SDR42E2: variants seen among roughly 807,000 people sequenced by gnomAD.
SDR42E2 encodes the protein putative short-chain dehydrogenase/reductase family 42E member 2.
SDR42E2 carries 20 observed loss-of-function variants against 10.5 expected under a neutral mutation model. The ratio of observed to expected loss-of-function variants is 1.90; its 90% CI spans 1.34 to 2.77. The LOEUF (loss-of-function observed/expected upper bound fraction) is 2.77, where lower values mean the gene tolerates loss of function less well. SDR42E2 is among the 30% of genes most tolerant of loss of function. The probability of loss-of-function intolerance (pLI) is 0.00; values close to 1 mark genes in which losing one functional copy is unlikely to be tolerated. For missense variants in SDR42E2, 162 were observed against 104.2 expected, an observed-to-expected ratio of 1.55 and a Z score of -2.42; for synonymous variants, 72 against 39.2, an observed-to-expected ratio of 1.84 and a Z score of -3.12.
In SDR42E2 at chr16:22,184,213, C is replaced by A; in HGVS notation, c.909C>A (p.Ile303=). 1 of 401,456 alleles carries A rather than the reference C, an allele frequency of 2.5e-6. No individual in the cohort carries two copies. Among genetic ancestry groups the A allele is most frequent in the Non-Finnish European group, 4.4e-6 (1 of 226,354 alleles). The allele number at this position is 401,456 out of a possible 1,614,324, so 24.9% of individuals were successfully genotyped here. The change falls in exon 11 of 13, where the codon ATC becomes ATA. Residue 303 remains isoleucine, a synonymous_variant. Coordinates refer to ENST00000602312, the MANE Select transcript of SDR42E2 (RefSeq NM_001394319.2). ...FEKLGYSQPW[I]QVPTSWVYLT... is the part of the protein sequence containing the mutation. Reference sequence around the variant, plus strand: ...AGCTGGGGTACAGCCAGCCCTGGATCCAGGTGCCTACTTCCTGGGTTTACC... The same window carrying A: ...AGCTGGGGTACAGCCAGCCCTGGATACAGGTGCCTACTTCCTGGGTTTACC...
chr16:22,178,863 A>G (rs2046668294), intron 8 of SDR42E2, among the ~76,000 whole-genome samples: 1 of 152,240 alleles, frequency 6.6e-6, no homozygotes, highest in Non-Finnish European at 1.5e-5. Context: ...GAGAAAGGTC[A>G]TGATTGTTTT....
At chr16:22,186,861 C>T in intron 12 of SDR42E2, 67 bp downstream of exon 12, 1 of 398,884 alleles carries the variant, frequency 2.5e-6, no homozygotes, top group South Asian at 1.3e-4. Context: ...CTCTCCCCAC[C>T]ATCCCCACTG....
chr16:22,171,550 C>A (rs1391790915), intron 6 of SDR42E2, among the ~76,000 whole-genome samples: 1 of 151,080 alleles, frequency 6.6e-6, no homozygotes, highest in Non-Finnish European at 1.5e-5. Flanking sequence ...TGTTTTGAGA[C>A]AAGGTCTTGC....
intron 12 of SDR42E2, among the ~76,000 whole-genome samples, 190 bp from the exon 13 acceptor site, chr16:22,189,949 T>G (rs931579937): frequency 6.6e-6 from 1 of 152,050 alleles, no homozygotes; most frequent in African/African-American, 2.4e-5. Flanking sequence ...AAAATGAACA[T>G]GTAAGGAAGA....
intron 12 of SDR42E2, among the ~76,000 whole-genome samples, chr16:22,189,242 T>G (rs2142085077): frequency 6.6e-6 from 1 of 152,212 alleles, no homozygotes; most frequent in East Asian, 1.9e-4. Context: ...CATGGGAGAA[T>G]CCAGCAGCTG....
chr16:22,187,612 A>G (rs1256305205), intron 12 of SDR42E2, among the ~76,000 whole-genome samples: 1 of 151,858 alleles, frequency 6.6e-6, no homozygotes, highest in Admixed American at 6.6e-5. Flanking sequence ...CAAAAAAAAA[A>G]AAAAAGATTC....
intron 7 of SDR42E2, among the ~76,000 whole-genome samples, chr16:22,173,783 A>T (rs192265425): frequency 2.2e-4 from 33 of 151,622 alleles, no homozygotes; most frequent in Admixed American, 6.6e-4. Flanking sequence ...GCACTTTGGG[A>T]GGCGGAGGTG....
intron 1 of SDR42E2, among the ~76,000 whole-genome samples, chr16:22,162,997 A>G (rs1412540753): frequency 1.3e-5 from 2 of 152,100 alleles, no homozygotes; most frequent in Non-Finnish European, 2.9e-5. Flanking sequence ...GCTTTGCGCC[A>G]GGCACTGTTC....
intron 4 of SDR42E2, 61 bp downstream of exon 4, chr16:22,167,060 C>T (rs2046547860): frequency 2.9e-6 from 2 of 682,988 alleles, no homozygotes; most frequent in Non-Finnish European, 2.7e-6. Flanking sequence ...CCTGGCTCTG[C>T]CCTCACACCC....
At chr16:22,175,019 G>A (rs1028317685) in intron 7 of SDR42E2, among the ~76,000 whole-genome samples, 3 of 152,112 alleles carry the variant, frequency 2.0e-5, no homozygotes, top group African/African-American at 4.8e-5. Context: ...CGGCGCAGAG[G>A]TCCGTAGTCC....
At chr16:22,169,345 A>T (rs1233087532) in intron 4 of SDR42E2, 100 bp from the exon 5 acceptor site, 1 of 693,108 alleles carries the variant, frequency 1.4e-6, no homozygotes, top group African/African-American at 1.7e-5. Flanking sequence ...TGAACTGAAC[A>T]TCCTGCTGCC....
chr16:22,164,964 C>A (rs902576729), intron 1 of SDR42E2, among the ~76,000 whole-genome samples: 1 of 152,188 alleles, frequency 6.6e-6, no homozygotes, highest in Admixed American at 6.5e-5. Flanking sequence ...TGCTTAATGT[C>A]AACCTCAGTT....
chr16:22,174,405 C>G (rs955775553), intron 7 of SDR42E2, among the ~76,000 whole-genome samples: 2 of 152,046 alleles, frequency 1.3e-5, no homozygotes, highest in African/African-American at 4.8e-5. Context: ...TCAAGATCAT[C>G]CAGCTGTTAG....
chr16:22,190,139 G>A lies in SDR42E2; in HGVS notation c.1015G>A (p.Val339Met). 2.5e-6 allele frequency: 1 copy of A among 401,082 alleles called. No homozygotes were observed. 24.8% of individuals were successfully genotyped at this position (401,082 alleles called of 1,614,324 possible). A position where few individuals can be genotyped will look rare whatever the true frequency, so the allele number is the denominator to read the frequency against. ...SLPPLLTRSE[V>M]RSVAVTHTFQ... ...TCGGATGCCCCGCCTGTCCCCGCAG[G>A]TGCGCAGCGTGGCCGTGACGCACAC... The change falls in exon 13 of 13, where the codon GTG (valine) becomes ATG (methionine). Residue 339 changes from valine to methionine, a missense_variant and splice_region_variant. Transcript: ENST00000602312.
chr16:22,178,769 G>A (rs1598140245), intron 8 of SDR42E2, among the ~76,000 whole-genome samples: 1 of 152,208 alleles, frequency 6.6e-6, no homozygotes, highest in Admixed American at 6.5e-5. Context: ...TTTGAAAAAA[G>A]AAAAAGGAAT....
rs566872581 is a variant in SDR42E2 at position 22,191,296 on chromosome 16, C to G, written c.*903C>G. 2 of 152,490 alleles carry G rather than the reference C, an allele frequency of 1.3e-5. No homozygotes were observed. The highest frequency in any genetic ancestry group is 1.5e-5 in the Non-Finnish European group (1 of 68,220). The allele number at this position is 152,490 out of a possible 1,614,324, so 9.4% of individuals were successfully genotyped here. A position where few individuals can be genotyped will look rare whatever the true frequency, so the allele number is the denominator to read the frequency against. ...TTTGGGTCTGTCCTTGCTCCTGCCTCTGGACCCGGTCCCGCCCTTCTCGCG... is the reference window on the plus strand; with the variant it reads ...TTTGGGTCTGTCCTTGCTCCTGCCTGTGGACCCGGTCCCGCCCTTCTCGCG... On this transcript the variant is annotated 3_prime_UTR_variant, in exon 13 of 13. Transcript: ENST00000602312.
In SDR42E2 at chr16:22,172,210, A is replaced by G. The variant is rs1206454380; in HGVS notation, c.514-46A>G. 1.0e-5 allele frequency: 7 copies of G among 702,838 alleles called. No homozygotes were observed. The East Asian group carries it at 1.9e-4, about 19-fold the overall frequency. 43.5% of individuals were successfully genotyped at this position (702,838 alleles called of 1,614,324 possible). ...GGGCTGGGCAGGCATTGCCAGCAGC[A>G]TTGCTGACCCTCTCTGGTGGTTCTG... On this transcript the variant is annotated intron_variant, in intron 6 of 12. Coordinates refer to ENST00000602312, the MANE Select transcript of SDR42E2 (RefSeq NM_001394319.2).
At chr16:22,189,181 C>T (rs985227595) in intron 12 of SDR42E2, among the ~76,000 whole-genome samples, 1 of 152,168 alleles carries the variant, frequency 6.6e-6, no homozygotes, top group African/African-American at 2.4e-5. Flanking sequence ...CTCCTCACCC[C>T]CCATTAAGCA....
chr16:22,165,459 T>C lies in SDR42E2; in HGVS notation c.-36-88T>C, dbSNP rs1340154022. On this transcript the variant is annotated intron_variant, in intron 1 of 12. Coordinates refer to ENST00000602312, the MANE Select transcript of SDR42E2 (RefSeq NM_001394319.2). ...ACTCAGAGAATTTCTAATTTCCACCTGGAGTTCCCCTCAGTCCTAGAGGTC... is the reference window on the plus strand; with the variant it reads ...ACTCAGAGAATTTCTAATTTCCACCCGGAGTTCCCCTCAGTCCTAGAGGTC... 3 of 396,008 alleles carry C rather than the reference T, an allele frequency of 7.6e-6. No homozygotes were observed. In the East Asian group the frequency reaches 1.1e-4, roughly 14 times the overall value. 24.5% of individuals were successfully genotyped at this position (396,008 alleles called of 1,614,324 possible). A position where few individuals can be genotyped will look rare whatever the true frequency, so the allele number is the denominator to read the frequency against.
Sources: gnomAD v4.1 joint callset for allele counts (sites outside exome capture counted in the v4.1 genomes callset) on GRCh38, gnomAD v4.1.1 for gene constraint, MANE v1.5 for transcripts, NCBI Gene and HGNC (gene_info 2026-07-23, HGNC 2026-07-21) for gene names.